NINL: variants seen among roughly 807,000 people sequenced by gnomAD.
NINL encodes the protein ninein like.
In NINL, 153 loss-of-function variants were observed where a neutral mutation model predicts 160.3. The ratio of observed to expected loss-of-function variants is 0.95; its 90% CI spans 0.84 to 1.09. The LOEUF (loss-of-function observed/expected upper bound fraction) is 1.09, where lower values mean the gene tolerates loss of function less well. Ranked by LOEUF, NINL falls within the 50% of genes least tolerant of loss-of-function variation. The probability of loss-of-function intolerance (pLI) is 0.00; values close to 1 mark genes in which losing one functional copy is unlikely to be tolerated. For missense variants in NINL, 1,829 were observed against 1,764.0 expected, an observed-to-expected ratio of 1.04 and a Z score of -0.66; for synonymous variants, 800 against 734.8, an observed-to-expected ratio of 1.09 and a Z score of -1.43.
intron 17 of NINL, among the ~76,000 whole-genome samples, chr20:25,473,614 A>G (rs1442940794): frequency 1.3e-5 from 2 of 150,882 alleles, no homozygotes; most frequent in African/African-American, 2.5e-5. Context: ...ACTTGAGGCC[A>G]GGAGTTCAAG....
intron 17 of NINL, among the ~76,000 whole-genome samples, chr20:25,473,750 C>A (rs891852140): frequency 6.6e-6 from 1 of 151,644 alleles, no homozygotes; most frequent in Admixed American, 6.6e-5. Flanking sequence ...CACATGTAAT[C>A]CCAGCTACTT....
chr20:25,557,518 G>A (rs774568169), intron 1 of NINL, among the ~76,000 whole-genome samples: 3 of 151,032 alleles, frequency 2.0e-5, no homozygotes, highest in Non-Finnish European at 2.9e-5. Flanking sequence ...GCAACAGAGC[G>A]AAACTCCATC....
chr20:25,547,950 G>A (rs1600322009), intron 1 of NINL, among the ~76,000 whole-genome samples: 3 of 152,328 alleles, frequency 2.0e-5, no homozygotes, highest in Middle Eastern at 3.4e-3. Context: ...TGGGCAAAAA[G>A]TGCACAGAAA....
chr20:25,568,044 GAAGC>G (rs1262466802), intron 1 of NINL, among the ~76,000 whole-genome samples: 2 of 151,672 alleles, frequency 1.3e-5, no homozygotes, highest in East Asian at 3.9e-4. Flanking sequence ...AAAATAAACT[GAAGC>G]AAGCAGAAGA....
chr20:25,543,175 A>C (rs1460911535), intron 1 of NINL, among the ~76,000 whole-genome samples: 1 of 152,074 alleles, frequency 6.6e-6, no homozygotes, highest in Admixed American at 6.6e-5. Flanking sequence ...AGACACACAC[A>C]CCCCCCTCCC....
chr20:25,580,094 A>T (rs1044420363), intron 1 of NINL, among the ~76,000 whole-genome samples: 1 of 152,188 alleles, frequency 6.6e-6, no homozygotes, highest in Non-Finnish European at 1.5e-5. Flanking sequence ...GCACTTTGGG[A>T]GGCCGAGGCG....
At chr20:25,531,813 G>A (rs1461263983) in intron 1 of NINL, among the ~76,000 whole-genome samples, 5 of 152,126 alleles carry the variant, frequency 3.3e-5, no homozygotes, top group Non-Finnish European at 5.9e-5. Flanking sequence ...AATGTCAGAG[G>A]GTAAAAAAGG....
chr20:25,556,143 G>A (rs1219366159), intron 1 of NINL, among the ~76,000 whole-genome samples: 1 of 152,188 alleles, frequency 6.6e-6, no homozygotes, highest in Non-Finnish European at 1.5e-5. Flanking sequence ...TTAGCCAAGA[G>A]AGGTGGCAGA....
intron 7 of NINL, 26 bp from the exon 8 acceptor site, chr20:25,501,036 C>T (rs749888963): frequency 1.7e-5 from 27 of 1,607,674 alleles, no homozygotes; most frequent in East Asian, 4.5e-5. Flanking sequence ...ACTTCCATAG[C>T]GCCCAGCGTC....
In NINL at chr20:25,530,245, A is replaced by T. The variant is rs147421310; in HGVS notation, c.-11-3647T>A. On this transcript the variant is annotated intron_variant, in intron 1 of 23. Transcript: ENST00000278886. The stretch of plus-strand genomic sequence containing the variant: ...GATGGGCGGTGAGGCACACGCACGT[A>T]CATAACACATAGACACACATGTATT... 3.9e-3 allele frequency among the ~76,000 whole-genome samples: 591 copies of T among 152,362 alleles called. 2 individuals are homozygous for T. Among genetic ancestry groups the T allele is most frequent in the Non-Finnish European group, 6.2e-3 (422 of 68,034 alleles).
At chr20:25,463,423 A>G (rs1269816202) in intron 19 of NINL, among the ~76,000 whole-genome samples, 1 of 152,184 alleles carries the variant, frequency 6.6e-6, no homozygotes, top group Non-Finnish European at 1.5e-5. Flanking sequence ...GGCAGGGTAC[A>G]TAGGTTCATC....
chr20:25,574,080 C>T (rs1012395724), intron 1 of NINL, among the ~76,000 whole-genome samples: 6 of 152,274 alleles, frequency 3.9e-5, no homozygotes, highest in Middle Eastern at 3.4e-3. Flanking sequence ...CTGACGTCTG[C>T]GCTCAGAGCT....
chr20:25,573,154 G>A (rs999028757), intron 1 of NINL, among the ~76,000 whole-genome samples: 4 of 151,994 alleles, frequency 2.6e-5, no homozygotes. Flanking sequence ...AAAATTAGCT[G>A]GGCATGGTGG....
intron 1 of NINL, among the ~76,000 whole-genome samples, chr20:25,540,280 A>G (rs2064640658): frequency 6.6e-6 from 1 of 152,218 alleles, no homozygotes; most frequent in Non-Finnish European, 1.5e-5. Context: ...AGATACAAAC[A>G]TAAACTTTGC....
rs542371475 is a variant in NINL at position 25,580,403 on chromosome 20, T to C, written c.-12+5052A>G. 7.2e-5 allele frequency among the ~76,000 whole-genome samples: 11 copies of C among 151,870 alleles called. 1 individual carries two copies. In the South Asian group the frequency reaches 2.3e-3, roughly 32 times the overall value. ...GTAACAATCAATGCACAAAAATTGG[T>C]ATATCCTAGAGGTTCTCAAACTTGA... On this transcript the variant is annotated intron_variant, in intron 1 of 23. Coordinates refer to ENST00000278886, the MANE Select transcript of NINL (RefSeq NM_025176.6).
At chr20:25,536,238 G>A (rs982144421) in intron 1 of NINL, among the ~76,000 whole-genome samples, 3 of 152,200 alleles carry the variant, frequency 2.0e-5, no homozygotes, top group East Asian at 3.8e-4. Context: ...ACAGGCTCAC[G>A]ATCTGGGCTC....
intron 17 of NINL, among the ~76,000 whole-genome samples, chr20:25,473,981 C>T (rs979255364): frequency 6.6e-6 from 1 of 152,174 alleles, no homozygotes; most frequent in Non-Finnish European, 1.5e-5. Context: ...AAGTCAGATA[C>T]CTACTGTGGA....
At chr20:25,568,972 G>A (rs545770997) in intron 1 of NINL, among the ~76,000 whole-genome samples, 1 of 151,250 alleles carries the variant, frequency 6.6e-6, no homozygotes, top group African/African-American at 2.4e-5. Flanking sequence ...GCTCACACCT[G>A]TAATCCCAGC....
chr20:25,559,728 G>A (rs150717964), intron 1 of NINL, among the ~76,000 whole-genome samples: 6 of 151,718 alleles, frequency 4.0e-5, no homozygotes, highest in East Asian at 1.9e-4. Context: ...AGCCTCCGAA[G>A]TAGCTGTGAC....
Sources: allele counts gnomAD v4.1 joint callset (sites outside exome capture counted in the v4.1 genomes callset), GRCh38; gene constraint gnomAD v4.1.1; transcripts MANE v1.5; gene names NCBI Gene and HGNC (gene_info 2026-07-23, HGNC 2026-07-21).